The following FBF1 variants were observed in gnomAD, a reference collection of about 807,000 sequenced individuals.
The protein encoded by FBF1 is fas-binding factor 1.
A neutral mutation model predicts 147.2 loss-of-function variants in FBF1; 119 were observed. The ratio of observed to expected loss-of-function variants is 0.81; its 90% CI spans 0.70 to 0.94. FBF1 has a LOEUF of 0.94. FBF1 is among the 40% of genes least tolerant of loss of function. The pLI is 0.00. For synonymous variants in FBF1, 601 were observed against 609.0 expected (o/e 0.99, Z 0.19); for missense variants, 1,449 against 1,500.8 (o/e 0.97, Z 0.57).
intron 3 of FBF1, among the ~76,000 whole-genome samples, chr17:75,936,735 A>T (rs539350698): frequency 6.6e-6 from 1 of 152,226 alleles, no homozygotes; most frequent in African/African-American, 2.4e-5. Context: ...TTTCAGCAGA[A>T]CCTATATTCT....
In FBF1 at chr17:75,926,042, G is replaced by C. The variant is rs2065559184; in HGVS notation, c.856C>G (p.Gln286Glu). Residue 286 changes from glutamine to glutamate, a missense_variant, in exon 12 of 30, where the codon CAG becomes GAG. Coordinates refer to ENST00000636174, the MANE Select transcript of FBF1 (RefSeq NM_001319193.2). ...CAAGCCTCCTTACCCTGTGGCCTCT[G>C]GTACTTCTTGTCTAGCTTGAACTCC... ...HREFKLDKKY[Q>E]RPQDSEDMWG... The C allele has an allele frequency of 6.2e-7, 1 of 1,611,248 alleles. No individual in the cohort carries two copies. Among genetic ancestry groups the C allele is most frequent in the African/African-American group, 1.3e-5 (1 of 75,038 alleles).
At chr17:75,936,337 C>CA (rs1183818837) in intron 3 of FBF1, among the ~76,000 whole-genome samples, 2 of 151,474 alleles carry the variant, frequency 1.3e-5, no homozygotes, top group Non-Finnish European at 2.9e-5. Flanking sequence ...AAGACCCCCC[C>CA]CAAAATTAGC....
At chr17:75,926,671 G>T (rs2065563805) in intron 10 of FBF1, 87 bp downstream of exon 10, 6 of 1,526,838 alleles carry the variant, frequency 3.9e-6, no homozygotes, top group South Asian at 1.2e-5. Context: ...CCTGGGAGAG[G>T]CCTCTGGTTC....
chr17:75,924,162 C>T (rs1368134401), intron 13 of FBF1, among the ~76,000 whole-genome samples: 3 of 151,868 alleles, frequency 2.0e-5, no homozygotes, highest in Admixed American at 6.6e-5. Flanking sequence ...TGTGGTAAGC[C>T]GAGATCATGC....
In FBF1 at chr17:75,920,333, C is replaced by T. The variant is rs1327426819; in HGVS notation, c.1771G>A (p.Ala591Thr). The stretch of plus-strand genomic sequence containing the variant: ...TGCAGCAGCTCGGCCTGGAGCTCAG[C>T]GGGGCTGCACTGAAGTTGCACCTGT... ...AAQVQLQCSP[A>T]ELQAELLHSQ... Residue 591 changes from alanine to threonine, a missense_variant, in exon 18 of 30, where the codon GCT (alanine) becomes ACT (threonine). Transcript: ENST00000636174. The T allele has an allele frequency of 6.2e-6, 10 of 1,610,134 alleles. No individual in the cohort carries two copies. The highest frequency in any genetic ancestry group is 2.2e-5 in the East Asian group (1 of 44,836).
chr17:75,927,449 T>C lies in FBF1; in HGVS notation c.475+6A>G. The C allele has an allele frequency of 2.5e-6, 4 of 1,582,582 alleles. No individual in the cohort carries two copies. The South Asian group carries it at 3.5e-5, about 14-fold the overall frequency. On this transcript the variant is annotated splice_donor_region_variant and intron_variant, in intron 9 of 29. Transcript: ENST00000636174. ...GTCCCAGAGGCATGACAGGAGCCTATGGTACCTTCAGAGGAAAACCTCCTG... is the reference window on the plus strand; with the variant it reads ...GTCCCAGAGGCATGACAGGAGCCTACGGTACCTTCAGAGGAAAACCTCCTG...
Position 75,933,095 on chromosome 17 carries a change from A to G in FBF1, c.74-7T>C. The G allele has an allele frequency of 6.3e-7, 1 of 1,596,238 alleles. No homozygotes were observed. The highest frequency in any genetic ancestry group is 1.1e-5 in the South Asian group (1 of 89,880). On this transcript the variant is annotated splice_polypyrimidine_tract_variant and splice_region_variant and intron_variant, in intron 4 of 29. Transcript: ENST00000636174. ...GGCTTCTCAGGTAGTGTCACTGGAAAAAAAGAAAAGAGAAAACGTGTCATT... is the reference window on the plus strand; with the variant it reads ...GGCTTCTCAGGTAGTGTCACTGGAAGAAAAGAAAAGAGAAAACGTGTCATT...
intron 24 of FBF1, 30 bp downstream of exon 24, chr17:75,914,987 G>T: frequency 3.1e-6 from 5 of 1,612,636 alleles, no homozygotes; most frequent in Non-Finnish European, 4.2e-6. Context: ...AATGGCAGGG[G>T]CAGGGGCTGA....
At chr17:75,911,920 G>T (rs1299803294) in intron 29 of FBF1, among the ~76,000 whole-genome samples, 1 of 152,184 alleles carries the variant, frequency 6.6e-6, no homozygotes, top group Non-Finnish European at 1.5e-5. Flanking sequence ...CCAAAGTGTT[G>T]GGATTACAGG....
rs2065514545 is a variant in FBF1 at position 75,920,036 on chromosome 17, T to G, written c.1902A>C (p.Ala634=). 6.2e-7 allele frequency: 1 copy of G among 1,603,174 alleles called. No individual in the cohort carries two copies. The highest frequency in any genetic ancestry group is 8.5e-7 in the Non-Finnish European group (1 of 1,175,344). ...GTGCACTCTCGATGAGCTCCAGGTC[T>G]GCCTGGTGCTGCTGCTGCAGACTCC... ...LLGSLQQQHQ[A]DLELIESAHR... Residue 634 remains alanine, a synonymous_variant, in exon 19 of 30, where the codon GCA becomes GCC. Coordinates refer to ENST00000636174, the MANE Select transcript of FBF1 (RefSeq NM_001319193.2).
chr17:75,921,962 G>A lies in FBF1; in HGVS notation c.1509C>T (p.Val503=), dbSNP rs1466812933. 1 of 1,551,132 alleles carries A rather than the reference G, an allele frequency of 6.4e-7. No individual in the cohort carries two copies. The highest frequency in any genetic ancestry group is 8.7e-7 in the Non-Finnish European group (1 of 1,146,984). The part of the protein sequence containing the change: ...SGTTARERPC[V]RPGVSGSPVT... ...AGGCCTACCCCGAGACACCAGGCCT[G>A]ACACACGGTCTTTCTCGTGCAGTTG... Residue 503 remains valine, a synonymous_variant, in exon 15 of 30, where the codon GTC becomes GTT. Transcript: ENST00000636174.
At chr17:75,929,945 A>ACGGGGG in intron 7 of FBF1, 52 bp downstream of exon 7, 4 of 650,904 alleles carry the variant, frequency 6.1e-6, no homozygotes, top group Admixed American at 2.7e-5. Context: ...AAATATCATG[A>ACGGGGG]CCCCACCCCA....
chr17:75,932,209 C>G (rs1373587396), intron 5 of FBF1, among the ~76,000 whole-genome samples: 1 of 151,476 alleles, frequency 6.6e-6, no homozygotes, highest in African/African-American at 2.4e-5. Flanking sequence ...GGTGAAACCC[C>G]ATCTCCACTA....
Position 75,918,149 on chromosome 17 carries a change from G to A in FBF1, c.2246+13C>T, listed in dbSNP as rs1179824378. On this transcript the variant is annotated intron_variant, in intron 21 of 29. Coordinates refer to ENST00000636174, the MANE Select transcript of FBF1 (RefSeq NM_001319193.2). The surrounding 1 kb of genome is among the most constrained non-coding windows in gnomAD (Gnocchi z 5.8). ...CCAACGTCAGGCGGGCATGGTTGGG[G>A]CAGCGCACATACCGCGTGTGGGAGG... is the stretch of plus-strand genomic sequence containing the variant. 1 of 1,612,958 alleles carries A rather than the reference G, an allele frequency of 6.2e-7. No homozygotes were observed. Among genetic ancestry groups the A allele is most frequent in the Non-Finnish European group, 8.5e-7 (1 of 1,179,568 alleles).
At chr17:75,938,583 C>T (rs943303710) in intron 1 of FBF1, among the ~76,000 whole-genome samples, 2 of 147,506 alleles carry the variant, frequency 1.4e-5, no homozygotes, top group Non-Finnish European at 3.0e-5. Flanking sequence ...AAAAAGAGAC[C>T]GGGCGCGATG....
chr17:75,914,633 C>T, intron 25 of FBF1, 114 bp downstream of exon 25: 2 of 1,121,882 alleles, frequency 1.8e-6, no homozygotes, highest in Admixed American at 2.9e-5. Flanking sequence ...AATCCCTATG[C>T]TCTTGTGACA....
intron 7 of FBF1, among the ~76,000 whole-genome samples, chr17:75,929,099 T>A (rs1466101060): frequency 2.6e-5 from 4 of 151,234 alleles, no homozygotes; most frequent in Non-Finnish European, 5.9e-5. Context: ...CAAGCGAGCC[T>A]ACTGCCTCGG....
chr17:75,920,419 G>T lies in FBF1; in HGVS notation c.1685C>A (p.Pro562Gln), dbSNP rs781403619. Residue 562 changes from proline (P) to glutamine (Q), a missense_variant, in exon 18 of 30, where the codon CCA becomes CAA. By Grantham distance (76) the Pro-to-Gln change is moderately conservative. Coordinates refer to ENST00000636174, the MANE Select transcript of FBF1 (RefSeq NM_001319193.2). ...EPSVPVQPLL[P>Q]ESLARSLLPS... ...CAGCAGGCTCCGGGCCAGGGACTCTGGGAGCAGGGGCTGGAGGAGAGGAAG... is the reference window on the plus strand; with the variant it reads ...CAGCAGGCTCCGGGCCAGGGACTCTTGGAGCAGGGGCTGGAGGAGAGGAAG... The T allele has an allele frequency of 8.7e-6, 14 of 1,607,218 alleles. No individual in the cohort carries two copies. The highest frequency in any genetic ancestry group is 1.2e-5 in the Non-Finnish European group (14 of 1,177,370).
intron 2 of FBF1, 148 bp from the exon 3 acceptor site, chr17:75,937,741 T>C: frequency 1.2e-6 from 1 of 824,922 alleles, no homozygotes. Flanking sequence ...CCTTTATGTG[T>C]TCCTATAGTT....
Sources: gnomAD v4.1 joint callset for allele counts (sites outside exome capture counted in the v4.1 genomes callset) on GRCh38, gnomAD v4.1.1 for gene constraint, Gnocchi (gnomAD v3.1) non-coding constraint, MANE v1.5 for transcripts, NCBI Gene and HGNC (gene_info 2026-07-23, HGNC 2026-07-21) for gene names.